The following CDH13 variants were observed in gnomAD, a reference collection of about 807,000 sequenced individuals.
The protein encoded by CDH13 is cadherin 13, also known as cadherin-13.
Under a neutral mutation model 63.8 loss-of-function variants are expected in CDH13, and 24 were observed. That is an observed-to-expected ratio of 0.38 (90% CI 0.27 to 0.53). The LOEUF is 0.53. Ranked by LOEUF, CDH13 falls within the 20% of genes least tolerant of loss-of-function variation. The probability of loss-of-function intolerance (pLI) is 0.85; values close to 1 mark genes in which losing one functional copy is unlikely to be tolerated. For synonymous variants in CDH13, 503 were observed against 355.3 expected (o/e 1.42, Z -4.67); for missense variants, 1,049 against 903.1 (o/e 1.16, Z -2.07).
intron 1 of CDH13, among the ~76,000 whole-genome samples, chr16:82,809,933 A>C (rs1451944012): frequency 6.6e-6 from 1 of 152,184 alleles, no homozygotes; most frequent in Non-Finnish European, 1.5e-5. Context: ...TTTTTGATTA[A>C]CTGATACGTA....
chr16:83,519,137 A>G (rs970629942), intron 7 of CDH13, among the ~76,000 whole-genome samples: 1 of 152,210 alleles, frequency 6.6e-6, no homozygotes, highest in East Asian at 1.9e-4. Context: ...AGGGACTGGG[A>G]CACACTGGAA....
intron 8 of CDH13, among the ~76,000 whole-genome samples, chr16:83,631,497 T>G (rs1356231049): frequency 6.6e-6 from 1 of 152,108 alleles, no homozygotes; most frequent in Non-Finnish European, 1.5e-5. Context: ...GAGGGGAAGG[T>G]GGGTTCTCCT....
At position 83,678,421 on chromosome 16, in the gene CDH13, A is replaced by G; in HGVS notation, c.1498A>G (p.Asn500Asp). The change falls in exon 10 of 14, where the codon AAT becomes GAT. Residue 500 changes from asparagine to aspartate, a missense_variant. Transcript: ENST00000567109. The stretch of plus-strand genomic sequence containing the variant: ...TGTGGGCAGCGTGCTGCTGACAGTG[A>G]ATGCCACGGACCCCGACTCCCTGCA... ...LSVGSVLLTV[N>D]ATDPDSLQHQ... 6.2e-7 allele frequency: 1 copy of G among 1,613,956 alleles called. No individual in the cohort carries two copies. The highest frequency in any genetic ancestry group is 1.1e-5 in the South Asian group (1 of 91,074).
Position 82,751,072 on chromosome 16 carries a change from C to T in CDH13, c.46-107290C>T, listed in dbSNP as rs67227308. 8.4e-3 allele frequency among the ~76,000 whole-genome samples: 1,279 copies of T among 152,282 alleles called. 10 individuals carry two copies. Among genetic ancestry groups the T allele is most frequent in the Non-Finnish European group, 0.012 (795 of 68,022 alleles). ...CCTTCCTGATCTTTCTTTTCTCTTC[C>T]TGAGCATCTATCCAGTTCCCTATTT... On this transcript the variant is annotated intron_variant, in intron 1 of 13. Transcript: ENST00000567109.
At chr16:83,454,743 A>C (rs549714300) in intron 6 of CDH13, among the ~76,000 whole-genome samples, 51 of 151,626 alleles carry the variant, frequency 3.4e-4, no homozygotes, top group African/African-American at 1.2e-3. Context: ...GAGTCTTGCT[A>C]TTACACAGGC....
chr16:83,183,678 G>C (rs2038418817), intron 4 of CDH13, among the ~76,000 whole-genome samples: 1 of 152,166 alleles, frequency 6.6e-6, no homozygotes, highest in Admixed American at 6.5e-5. Flanking sequence ...GTCCCTCCCT[G>C]ATGGGACGGC....
chr16:83,785,857 G>A (rs571550686), intron 13 of CDH13, among the ~76,000 whole-genome samples: 2 of 152,268 alleles, frequency 1.3e-5, no homozygotes, highest in East Asian at 3.9e-4. Context: ...GGGAAATCAG[G>A]ACCGTCCTGG....
intron 10 of CDH13, among the ~76,000 whole-genome samples, chr16:83,698,424 G>A (rs774429281): frequency 5.3e-5 from 8 of 152,192 alleles, no homozygotes; most frequent in Non-Finnish European, 1.2e-4. Flanking sequence ...ACTAGGCACC[G>A]TTGGCTTTGA....
rs16960960 is a variant in CDH13, at chr16:83,596,383, C to A, written c.961-6071C>A. On this transcript the variant is annotated intron_variant, in intron 7 of 13. Coordinates refer to ENST00000567109, the MANE Select transcript of CDH13 (RefSeq NM_001257.5). ...CCTGACTCTCAGTCCCACATTTCCT[C>A]TTTTCAGAATCCAGTTGTCCCAGCT... 4.7e-3 allele frequency among the ~76,000 whole-genome samples: 721 copies of A among 152,232 alleles called. 8 individuals carry two copies. The highest frequency in any genetic ancestry group is 0.016 in the African/African-American group (685 of 41,526).
At chr16:82,991,001 G>T (rs1317769152) in intron 2 of CDH13, among the ~76,000 whole-genome samples, 1 of 152,196 alleles carries the variant, frequency 6.6e-6, no homozygotes, top group African/African-American at 2.4e-5. Flanking sequence ...CATTGGAAAA[G>T]AGGGCAGTAG....
chr16:83,115,013 T>G (rs1264021508), intron 3 of CDH13, among the ~76,000 whole-genome samples: 1 of 152,224 alleles, frequency 6.6e-6, no homozygotes, highest in African/African-American at 2.4e-5. Context: ...TAGCTCCTTT[T>G]AGCCAGGGGC....
At chr16:83,246,846 C>A (rs1206296153) in intron 5 of CDH13, among the ~76,000 whole-genome samples, 2 of 152,202 alleles carry the variant, frequency 1.3e-5, no homozygotes, top group Non-Finnish European at 2.9e-5. Flanking sequence ...TTCAGTTCTC[C>A]TTTCCCTTCT....
chr16:83,188,415 C>G (rs1395735023), intron 4 of CDH13, among the ~76,000 whole-genome samples: 1 of 151,874 alleles, frequency 6.6e-6, no homozygotes, highest in East Asian at 1.9e-4. Flanking sequence ...GTGTGGTTGC[C>G]TGCAAACCAG....
At chr16:83,631,888 G>C (rs1277924084) in intron 8 of CDH13, among the ~76,000 whole-genome samples, 4 of 152,196 alleles carry the variant, frequency 2.6e-5, no homozygotes, top group African/African-American at 9.6e-5. Context: ...CAAGGTCATG[G>C]ATCCCAGGTG....
intron 9 of CDH13, among the ~76,000 whole-genome samples, chr16:83,673,433 A>G (rs1377096845): frequency 6.6e-6 from 1 of 152,040 alleles, no homozygotes; most frequent in Non-Finnish European, 1.5e-5. Flanking sequence ...TTCTGAAACT[A>G]TACCTGGCAT....
At chr16:82,873,518 G>A (rs1027466912) in intron 2 of CDH13, among the ~76,000 whole-genome samples, 1 of 152,124 alleles carries the variant, frequency 6.6e-6, no homozygotes, top group African/African-American at 2.4e-5. Flanking sequence ...AGTGGTGTGG[G>A]CTCCTAGGTT....
At chr16:83,284,274 T>A (rs1016669343) in intron 5 of CDH13, among the ~76,000 whole-genome samples, 6 of 152,196 alleles carry the variant, frequency 3.9e-5, no homozygotes, top group African/African-American at 1.4e-4. Context: ...ATCTGAGTAG[T>A]CAAAGCAGAG....
intron 1 of CDH13, among the ~76,000 whole-genome samples, chr16:82,693,379 T>C (rs768807811): frequency 1.8e-4 from 28 of 152,214 alleles, no homozygotes; most frequent in Non-Finnish European, 3.4e-4. Context: ...AGAATTCTTG[T>C]ACATGAAAAC....
chr16:83,053,018 TC>T (rs1435676421), intron 3 of CDH13, among the ~76,000 whole-genome samples: 5 of 152,124 alleles, frequency 3.3e-5, no homozygotes, highest in African/African-American at 1.2e-4. Context: ...TGGGACACAT[TC>T]TTTTCGAAGG....
Sources: allele counts gnomAD v4.1 joint callset (sites outside exome capture counted in the v4.1 genomes callset), GRCh38; gene constraint gnomAD v4.1.1; transcripts MANE v1.5; gene names NCBI Gene and HGNC (gene_info 2026-07-23, HGNC 2026-07-21).